CLIP1: variants seen among roughly 807,000 people sequenced by gnomAD.
CLIP1 encodes the protein CAP-Gly domain-containing linker protein 1.
CLIP1 carries 66 observed loss-of-function variants against 161.6 expected under a neutral mutation model. That is an observed-to-expected ratio of 0.41 (90% CI 0.33 to 0.50). CLIP1 has a LOEUF of 0.50. CLIP1 is among the 20% of genes least tolerant of loss of function. The pLI, the probability that CLIP1 is intolerant of heterozygous loss-of-function variation, is 0.27. For synonymous variants in CLIP1, 598 were observed against 626.2 expected, an observed-to-expected ratio of 0.96 and a Z score of 0.67; for missense variants, 1,376 against 1,702.0, an observed-to-expected ratio of 0.81 and a Z score of 3.37.
In CLIP1 at chr12:122,309,862, G is replaced by A. The variant is rs867955289; in HGVS notation, c.3494C>T (p.Ala1165Val). The part of the protein sequence containing the change: ...RKEIETLKQA[A>V]AQKSQQLSAL... ...TGAAAGCTGCTGGGACTTCTGAGCTGCTGCCTGCTTTAGGGTTTCTCTGCA... is the reference window on the plus strand; with the variant it reads ...TGAAAGCTGCTGGGACTTCTGAGCTACTGCCTGCTTTAGGGTTTCTCTGCA... The change falls in exon 20 of 26, where the codon GCA becomes GTA. Residue 1165 changes from alanine to valine, a missense_variant. Ala to Val is a moderately conservative substitution (Grantham distance 64). This residue lies in a region of CLIP1 where 948 missense variants were observed against 1,134.8 expected (regional missense o/e 0.84). Coordinates refer to ENST00000620786, the MANE Select transcript of CLIP1 (RefSeq NM_001247997.2). 1.2e-6 allele frequency: 2 copies of A among 1,613,932 alleles called. No homozygotes were observed. Among genetic ancestry groups the A allele is most frequent in the African/African-American group, 2.7e-5 (2 of 74,926 alleles).
rs1362495403 is a variant in CLIP1, at chr12:122,408,550, G to A, written c.-107+13971C>T. Among the ~76,000 whole-genome samples the A allele has an allele frequency of 5.3e-5, 8 of 151,860 alleles. No individual in the cohort carries two copies. The South Asian group carries it at 1.3e-3, about 24-fold the overall frequency. ...TTTTTAGTGGAGACAGGGTTTCACC[G>A]TGTTAGCCAGGATGGTCTCGATCTC... is the stretch of plus-strand genomic sequence containing the variant. On this transcript the variant is annotated intron_variant, in intron 1 of 25. Coordinates refer to ENST00000620786, the MANE Select transcript of CLIP1 (RefSeq NM_001247997.2).
intron 5 of CLIP1, 75 bp downstream of exon 5, chr12:122,360,884 G>T: frequency 2.5e-6 from 3 of 1,214,216 alleles, no homozygotes; most frequent in Non-Finnish European, 3.4e-6. Flanking sequence ...CAGCAAAGCA[G>T]CAAAGCAGGG....
chr12:122,369,680 A>G (rs1392292530), intron 3 of CLIP1, among the ~76,000 whole-genome samples: 1 of 151,890 alleles, frequency 6.6e-6, no homozygotes, highest in East Asian at 1.9e-4. Context: ...GAAGAGGGCT[A>G]TGAAAAAAAT....
intron 3 of CLIP1, among the ~76,000 whole-genome samples, chr12:122,376,300 A>C (rs1954728837): frequency 6.6e-6 from 1 of 151,796 alleles, no homozygotes; most frequent in African/African-American, 2.4e-5. Flanking sequence ...TGATCCTCCC[A>C]CCTTGGCCTC....
intron 9 of CLIP1, among the ~76,000 whole-genome samples, chr12:122,350,748 T>A (rs1282860186): frequency 6.6e-6 from 1 of 150,596 alleles, no homozygotes; most frequent in Non-Finnish European, 1.5e-5. Context: ...GAATGCCTTA[T>A]GCTCCAGCCA....
chr12:122,285,445 G>A (rs910410752), intron 21 of CLIP1, among the ~76,000 whole-genome samples: 1 of 152,040 alleles, frequency 6.6e-6, no homozygotes, highest in Admixed American at 6.6e-5. Flanking sequence ...TGTTAGCCAG[G>A]ATGGTCTCAA....
intron 5 of CLIP1, chr12:122,356,263 G>C (rs1242001007): frequency 6.6e-6 from 1 of 152,178 alleles, no homozygotes; most frequent in African/African-American, 2.4e-5. Context: ...AGATGCCCCA[G>C]GGTGCTGAGC....
In CLIP1 at chr12:122,287,310, C is replaced by T. The variant is rs539495866; in HGVS notation, c.3647+1179G>A. The stretch of plus-strand genomic sequence containing the variant: ...CCTCAACTCCTAAGCAACTGCTACG[C>T]TGGCAGAGGAGACAGTGCTGCGTAA... On this transcript the variant is annotated intron_variant, in intron 21 of 25. Coordinates refer to ENST00000620786, the MANE Select transcript of CLIP1 (RefSeq NM_001247997.2). Among the ~76,000 whole-genome samples the T allele has an allele frequency of 3.5e-4, 53 of 152,348 alleles. 1 individual carries two copies. Among genetic ancestry groups the T allele is most frequent in the African/African-American group, 1.1e-3 (47 of 41,584 alleles).
At chr12:122,382,436 G>A (rs1040269804) in intron 1 of CLIP1, among the ~76,000 whole-genome samples, 36 of 151,760 alleles carry the variant, frequency 2.4e-4, no homozygotes, top group African/African-American at 8.2e-4. Flanking sequence ...GCTGAGGCAC[G>A]AGAATCCCTT....
intron 7 of CLIP1, among the ~76,000 whole-genome samples, chr12:122,353,654 G>C (rs1228943935): frequency 1.3e-5 from 2 of 150,466 alleles, no homozygotes; most frequent in Non-Finnish European, 3.0e-5. Context: ...TTTTTGAGAC[G>C]GAGTCTTGCT....
chr12:122,307,044 C>T (rs1374223925), intron 20 of CLIP1, among the ~76,000 whole-genome samples: 1 of 123,256 alleles, frequency 8.1e-6, no homozygotes, highest in South Asian at 2.6e-4. Context: ...GAGTCTCACT[C>T]TGTCGCCCAG....
At chr12:122,409,683 C>T (rs1386403728) in intron 1 of CLIP1, among the ~76,000 whole-genome samples, 1 of 150,376 alleles carries the variant, frequency 6.6e-6, no homozygotes, top group Non-Finnish European at 1.5e-5. Flanking sequence ...AGGCCCCTGC[C>T]ACCACCCCCA....
intron 17 of CLIP1, among the ~76,000 whole-genome samples, chr12:122,325,540 G>A (rs1951679859): frequency 6.6e-6 from 1 of 152,228 alleles, no homozygotes; most frequent in Admixed American, 6.5e-5. Flanking sequence ...GGAGGGAAGT[G>A]GCGCGATCTC....
In CLIP1 at chr12:122,420,843, G is replaced by A. The variant is rs369832646; in HGVS notation, c.-107+1678C>T. ...TCCAGTACTCAGGAGGCTGAGGCAC[G>A]AGAATCGCTTAAACCTGGGAGGCCG... On this transcript the variant is annotated intron_variant, in intron 1 of 25. Coordinates refer to ENST00000620786, the MANE Select transcript of CLIP1 (RefSeq NM_001247997.2). Among the ~76,000 whole-genome samples the A allele has an allele frequency of 7.2e-5, 11 of 151,910 alleles. No homozygotes were observed. The South Asian group carries it at 1.9e-3, about 26-fold the overall frequency.
intron 3 of CLIP1, among the ~76,000 whole-genome samples, chr12:122,373,717 C>T (rs184646587): frequency 2.9e-4 from 44 of 152,114 alleles, no homozygotes; most frequent in African/African-American, 9.9e-4. Flanking sequence ...TATAGTACAT[C>T]CAAAGAGTAT....
intron 17 of CLIP1, among the ~76,000 whole-genome samples, chr12:122,320,198 C>T (rs920155390): frequency 1.3e-5 from 2 of 148,378 alleles, no homozygotes; most frequent in Admixed American, 6.8e-5. Flanking sequence ...ACCTGGGAGG[C>T]GGAGGTTGCA....
At chr12:122,403,464 A>C (rs1956206265) in intron 1 of CLIP1, among the ~76,000 whole-genome samples, 2 of 150,778 alleles carry the variant, frequency 1.3e-5, no homozygotes, top group African/African-American at 4.9e-5. Context: ...TGGAGATTTA[A>C]GGCCAATACA....
At chr12:122,357,860 G>T (rs1182895677) in intron 5 of CLIP1, among the ~76,000 whole-genome samples, 30 of 151,728 alleles carry the variant, frequency 2.0e-4, no homozygotes, top group Admixed American at 2.0e-3. Flanking sequence ...CCTGGGAGGT[G>T]AGGGGCGCCT....
chr12:122,307,191 T>C (rs949444074), intron 20 of CLIP1, among the ~76,000 whole-genome samples: 4 of 151,836 alleles, frequency 2.6e-5, no homozygotes, highest in African/African-American at 9.7e-5. Context: ...GTATTTTTAG[T>C]AGAGATGGGG....
Sources: gnomAD v4.1 joint callset for allele counts (sites outside exome capture counted in the v4.1 genomes callset) on GRCh38, gnomAD v4.1.1 for gene constraint, gnomAD v4.1.1 regional missense constraint, MANE v1.5 for transcripts, NCBI Gene and HGNC (gene_info 2026-07-23, HGNC 2026-07-21) for gene names.